Variants in ZNF273 observed in about 807,000 individuals in gnomAD.
ZNF273 encodes zinc finger protein 273.
Under a neutral mutation model 14.9 loss-of-function variants are expected in ZNF273, and 11 were observed. The observed-to-expected ratio is 0.74, with a 90% CI of 0.46 to 1.22. The LOEUF is 1.22. ZNF273 is among the 50% of genes most tolerant of loss of function. The pLI, the probability that ZNF273 is intolerant of heterozygous loss-of-function variation, is 0.00. For synonymous variants in ZNF273, 199 were observed against 223.9 expected, an observed-to-expected ratio of 0.89 and a Z score of 0.99; for missense variants, 577 against 660.6, an observed-to-expected ratio of 0.87 and a Z score of 1.39.
At chr7:64,932,741 G>A (rs1795019701), downstream of ZNF273, among the ~76,000 whole-genome samples, 1 of 152,022 alleles carries the variant, frequency 6.6e-6, no homozygotes, top group South Asian at 2.1e-4. Context: ...GGCCAACATG[G>A]TGAAACCCTG....
chr7:64,933,943 A>G (rs1795039796), downstream of ZNF273, among the ~76,000 whole-genome samples: 1 of 152,340 alleles, frequency 6.6e-6, no homozygotes, highest in African/African-American at 2.4e-5. Context: ...GCATATACAA[A>G]TACATTATTA....
chr7:64,919,254 T>C (rs1012746034), intron 3 of ZNF273, among the ~76,000 whole-genome samples: 1 of 152,216 alleles, frequency 6.6e-6, no homozygotes. Context: ...TAGGTCACTT[T>C]GGATAAATGG....
At chr7:64,924,621 A>G (rs1794687822) in intron 3 of ZNF273, among the ~76,000 whole-genome samples, 3 of 152,194 alleles carry the variant, frequency 2.0e-5, no homozygotes, top group Non-Finnish European at 4.4e-5. Context: ...GACTTAAAGT[A>G]CATTTTATAA....
intron 1 of ZNF273, 96 bp from the exon 2 acceptor site, chr7:64,917,485 C>T (rs1368246878): frequency 1.3e-6 from 2 of 1,516,658 alleles, no homozygotes; most frequent in East Asian, 5.1e-5. Context: ...AAGTAAAAAC[C>T]AGTTCTCTTT....
chr7:64,881,160 T>G (rs1791242565), downstream of ZNF273, among the ~76,000 whole-genome samples: 1 of 152,186 alleles, frequency 6.6e-6, no homozygotes, highest in Non-Finnish European at 1.5e-5. Flanking sequence ...AGGGAACAGT[T>G]GGAGTGCAAA....
intron 3 of ZNF273, among the ~76,000 whole-genome samples, chr7:64,927,372 G>A (rs375772063): frequency 4.6e-5 from 7 of 150,630 alleles, no homozygotes; most frequent in Non-Finnish European, 8.9e-5. Context: ...ACAGGCATGA[G>A]CCACTGCACC....
At position 64,930,143 on chromosome 7, in the gene ZNF273, C is replaced by T. The variant is rs558539368; in HGVS notation, c.*1105C>T. 6.6e-6 allele frequency: 1 copy of T among 152,342 alleles called. No homozygotes were observed. The highest frequency in any genetic ancestry group is 2.4e-5 in the African/African-American group (1 of 41,578). 9.4% of individuals were successfully genotyped at this position (152,342 alleles called of 1,614,324 possible). ...CCTCCCAAAATGTTGGGATTACAGG[C>T]ATGAGCCACTGCACCCGGCGCATGT... On this transcript the variant is annotated 3_prime_UTR_variant, in exon 4 of 4. Transcript: ENST00000476120.
chr7:64,886,855 G>A (rs1791612049), intron 1 of ZNF273, among the ~76,000 whole-genome samples: 1 of 152,196 alleles, frequency 6.6e-6, no homozygotes, highest in African/African-American at 2.4e-5. Context: ...CCACAGAAGA[G>A]AATGAAAATG....
intron 3 of ZNF273, among the ~76,000 whole-genome samples, chr7:64,926,494 C>T (rs1794770398): frequency 6.6e-6 from 1 of 151,834 alleles, no homozygotes; most frequent in Non-Finnish European, 1.5e-5. Context: ...TTCTGATTTT[C>T]AGTAGTTGTC....
At chr7:64,908,153 A>G (rs1793248248) in intron 1 of ZNF273, among the ~76,000 whole-genome samples, 1 of 152,276 alleles carries the variant, frequency 6.6e-6, no homozygotes, top group African/African-American at 2.4e-5. Flanking sequence ...CTGCATGGAC[A>G]CAAATCAGAG....
chr7:64,899,948 C>CG (rs1281200374), upstream of ZNF273, among the ~76,000 whole-genome samples: 1 of 151,644 alleles, frequency 6.6e-6, no homozygotes, highest in Admixed American at 6.6e-5. Context: ...TTAGTAGAGA[C>CG]GGGGTTTCTC....
chr7:64,910,599 G>GTT (rs1793424423), intron 1 of ZNF273, among the ~76,000 whole-genome samples: 1 of 151,422 alleles, frequency 6.6e-6, no homozygotes. Context: ...TGGTAGTATA[G>GTT]TTTGAAGTCT....
At chr7:64,918,925 T>G (rs1794226975) in intron 3 of ZNF273, among the ~76,000 whole-genome samples, 1 of 152,186 alleles carries the variant, frequency 6.6e-6, no homozygotes, top group African/African-American at 2.4e-5. Flanking sequence ...CACACAGATA[T>G]CTGCATAATT....
chr7:64,928,425 G>A lies in ZNF273; in HGVS notation c.1097G>A (p.Arg366Lys), dbSNP rs377178352. Reference sequence around the variant, plus strand: ...TCCTCAACTCTTACTAAACATAAGAGAATTCATACTGGAGAGAAACCCTAC... The same window carrying A: ...TCCTCAACTCTTACTAAACATAAGAAAATTCATACTGGAGAGAAACCCTAC... ...NWSSTLTKHKRIHTGEKPYKC... is the reference protein window; with the variant it reads ...NWSSTLTKHKKIHTGEKPYKC... The change falls in exon 4 of 4, where the codon AGA (arginine) becomes AAA (lysine). Residue 366 changes from arginine to lysine, a missense_variant. Transcript: ENST00000476120. The A allele has an allele frequency of 1.2e-6, 2 of 1,607,040 alleles. No individual in the cohort carries two copies. Among genetic ancestry groups the A allele is most frequent in the African/African-American group, 2.7e-5 (2 of 72,778 alleles).
In ZNF273 at chr7:64,928,012, T is replaced by C; in HGVS notation, c.684T>C (p.Ala228=). 1 of 1,614,024 alleles carries C rather than the reference T, an allele frequency of 6.2e-7. No individual in the cohort carries two copies. The highest frequency in any genetic ancestry group is 8.5e-7 in the Non-Finnish European group (1 of 1,179,942). Residue 228 remains alanine, a synonymous_variant, in exon 4 of 4, where the codon GCT becomes GCC. Coordinates refer to ENST00000476120, the MANE Select transcript of ZNF273 (RefSeq NM_021148.3). ...AACTAACTCAGCATAAGAAAACTGC[T>C]ACTAGAGTGAATTTCTACAAATGTA... ...LSQLTQHKKT[A]TRVNFYKCKT... is the part of the protein sequence containing the mutation.
At chr7:64,922,222 A>G (rs61068332) in intron 3 of ZNF273, among the ~76,000 whole-genome samples, 707 of 151,710 alleles carry the variant, frequency 4.7e-3, no homozygotes, top group African/African-American at 0.016. Context: ...AGCTCACTGC[A>G]GCCTCAACCT....
intron 1 of ZNF273, among the ~76,000 whole-genome samples, chr7:64,910,820 C>T (rs1156276922): frequency 7.2e-6 from 1 of 139,424 alleles, no homozygotes; most frequent in Non-Finnish European, 1.5e-5. Flanking sequence ...GGCTGGAGTG[C>T]AATGGTGCAA....
chr7:64,893,625 T>G (rs1035588988), downstream of ZNF273: 11 of 151,886 alleles, frequency 7.2e-5, no homozygotes, highest in Non-Finnish European at 1.2e-4. Flanking sequence ...GTGGCCAGCA[T>G]GGGAGGTGCA....
In ZNF273 at chr7:64,929,227, T is replaced by C. The variant is rs1324596587; in HGVS notation, c.*189T>C. 6.0e-6 allele frequency: 1 copy of C among 165,690 alleles called. No homozygotes were observed. Among genetic ancestry groups the C allele is most frequent in the African/African-American group, 3.2e-5 (1 of 31,154 alleles). 10.3% of individuals were successfully genotyped at this position (165,690 alleles called of 1,614,324 possible). ...CTGCTCATATCTTAACATCAGCGAG[T>C]TGGTATTTAATAAAAGCATTATCAA... On this transcript the variant is annotated 3_prime_UTR_variant, in exon 4 of 4. Transcript: ENST00000476120.
Sources: allele counts gnomAD v4.1 joint callset (sites outside exome capture counted in the v4.1 genomes callset), GRCh38; gene constraint gnomAD v4.1.1; transcripts MANE v1.5; gene names NCBI Gene and HGNC (gene_info 2026-07-23, HGNC 2026-07-21).